Variants in INTS3 observed in about 807,000 individuals in gnomAD.
INTS3 encodes the protein integrator complex subunit 3.
A neutral mutation model predicts 146.3 loss-of-function variants in INTS3; 34 were observed. The ratio of observed to expected loss-of-function variants is 0.23; its 90% CI spans 0.18 to 0.31. INTS3 has a LOEUF of 0.31. Ranked by LOEUF, INTS3 falls within the 10% of genes least tolerant of loss-of-function variation. The probability of loss-of-function intolerance (pLI) is 1.00; values close to 1 mark genes in which losing one functional copy is unlikely to be tolerated. For missense variants in INTS3, 757 were observed against 1,304.2 expected, an observed-to-expected ratio of 0.58 and a Z score of 6.46; for synonymous variants, 475 against 494.9, an observed-to-expected ratio of 0.96 and a Z score of 0.53.
intron 1 of INTS3, 142 bp downstream of exon 1, chr1:153,728,926 C>T (rs1294239728): frequency 3.4e-6 from 2 of 587,852 alleles, no homozygotes; most frequent in Non-Finnish European, 5.9e-6. Context: ...ACTGCTCCAG[C>T]TTCCTGCTCC....
chr1:153,755,615 C>G (rs868203751), intron 9 of INTS3, among the ~76,000 whole-genome samples: 2 of 152,124 alleles, frequency 1.3e-5, no homozygotes, highest in African/African-American at 2.4e-5. Flanking sequence ...GTCTGGCTGT[C>G]GAGAACTGCT....
intron 1 of INTS3, among the ~76,000 whole-genome samples, chr1:153,731,678 C>T (rs1210372870): frequency 6.0e-5 from 9 of 149,296 alleles, no homozygotes; most frequent in Admixed American, 2.0e-4. Context: ...CTCTGCCTCC[C>T]GGGTTCACAC....
At chr1:153,759,265 C>A (rs1386680644) in intron 10 of INTS3, among the ~76,000 whole-genome samples, 1 of 140,438 alleles carries the variant, frequency 7.1e-6, no homozygotes, top group African/African-American at 2.7e-5. Context: ...CAGAGCAAGA[C>A]CCTGTCTGGA....
chr1:153,767,631 CA>C, intron 20 of INTS3, 42 bp from the exon 21 acceptor site: 4 of 1,520,754 alleles, frequency 2.6e-6, no homozygotes, highest in Non-Finnish European at 3.5e-6. Context: ...TGAAGGTGGG[CA>C]CTGGGGTCAG....
At chr1:153,765,111 G>A in intron 20 of INTS3, 48 bp downstream of exon 20, 1 of 1,607,878 alleles carries the variant, frequency 6.2e-7, no homozygotes, top group Non-Finnish European at 8.5e-7. Flanking sequence ...ACATCCTGGA[G>A]AGCCTCTCTT....
intron 1 of INTS3, among the ~76,000 whole-genome samples, chr1:153,729,789 C>G (rs2101767099): frequency 6.6e-6 from 1 of 151,660 alleles, no homozygotes; most frequent in East Asian, 1.9e-4. Context: ...TCGCTTGAAC[C>G]CGTGGGCAGA....
chr1:153,763,780 C>T (rs1570876457), intron 16 of INTS3, 52 bp from the exon 17 acceptor site: 2 of 1,480,316 alleles, frequency 1.4e-6, no homozygotes, highest in Non-Finnish European at 1.9e-6. Context: ...GTGTGTCCTG[C>T]CCTCTGCTAT....
chr1:153,750,632 C>T (rs1671923852), intron 6 of INTS3, among the ~76,000 whole-genome samples: 1 of 152,192 alleles, frequency 6.6e-6, no homozygotes, highest in Non-Finnish European at 1.5e-5. Context: ...GCAGTCCCCA[C>T]ATGTTCTTGC....
rs754458687 is a variant in INTS3 at position 153,773,059 on chromosome 1, A to G, written c.3029A>G (p.Glu1010Gly). The G allele has an allele frequency of 1.2e-6, 2 of 1,614,170 alleles. No individual in the cohort carries two copies. Among genetic ancestry groups the G allele is most frequent in the Non-Finnish European group, 1.7e-6 (2 of 1,180,030 alleles). Residue 1010 changes from glutamate to glycine, a missense_variant, in exon 29 of 30, where the codon GAG (glutamate) becomes GGG (glycine). Coordinates refer to ENST00000318967, the MANE Select transcript of INTS3 (RefSeq NM_023015.5). The stretch of plus-strand genomic sequence containing the variant: ...ACACAGCCCCCCAATGCCGAAGAAG[A>G]GTCGGGCTCCAGCAGTGCTTCAGTG... ...NATQPPNAEE[E>G]SGSSSASEEE...
At chr1:153,770,347 T>A in intron 24 of INTS3, 36 bp downstream of exon 24, 1 of 1,251,324 alleles carries the variant, frequency 8.0e-7, no homozygotes, top group Non-Finnish European at 1.2e-6. Flanking sequence ...ACATCAGATA[T>A]GACACTTCCT....
chr1:153,741,499 T>C lies in INTS3; in HGVS notation c.318+131T>C, dbSNP rs1031634459. 4 of 657,928 alleles carry C rather than the reference T, an allele frequency of 6.1e-6. No homozygotes were observed. The African/African-American group carries it at 7.3e-5, about 12-fold the overall frequency. The allele number at this position is 657,928 out of a possible 1,614,324, so 40.8% of individuals were successfully genotyped here. On this transcript the variant is annotated intron_variant, in intron 3 of 29. Coordinates refer to ENST00000318967, the MANE Select transcript of INTS3 (RefSeq NM_023015.5). Reference sequence around the variant, plus strand: ...GGATCACCTTGTTCTCCAAATATAGTTACAAGTCCCTTTTTACTCAGTGAA... The same window carrying C: ...GGATCACCTTGTTCTCCAAATATAGCTACAAGTCCCTTTTTACTCAGTGAA...
Position 153,728,661 on chromosome 1 carries a change from G to GGCA in INTS3, c.39_41dup (p.Ala15dup). On this transcript the variant is annotated inframe_insertion, in exon 1 of 30. Coordinates refer to ENST00000318967, the MANE Select transcript of INTS3 (RefSeq NM_023015.5). ...TGGAGTTGCAGAAGGGAAAAGGGGC[G>GGCA]GCAGCAGCAGCAGCTGCTTCGGGAG... The GGCA allele has an allele frequency of 1.9e-6, 3 of 1,605,714 alleles. No homozygotes were observed. Among genetic ancestry groups the GGCA allele is most frequent in the Non-Finnish European group, 1.7e-6 (2 of 1,177,298 alleles).
chr1:153,754,865 A>G (rs1672103771), intron 9 of INTS3, 126 bp downstream of exon 9: 1 of 697,544 alleles, frequency 1.4e-6, no homozygotes, highest in South Asian at 1.6e-5. Context: ...TACCTGATCT[A>G]CCTGGCTACT....
chr1:153,769,889 AG>A, intron 23 of INTS3, 45 bp downstream of exon 23: 2 of 1,316,332 alleles, frequency 1.5e-6, no homozygotes, highest in Non-Finnish European at 2.2e-6. Context: ...AGAGGAGGGC[AG>A]GGTGTCAGTC....
rs550246130 is a variant in INTS3, at chr1:153,772,067, G to C, written c.2720+104G>C. 2.2e-5 allele frequency: 28 copies of C among 1,264,580 alleles called. No individual in the cohort carries two copies. The East Asian group carries it at 6.3e-4, about 29-fold the overall frequency. 78.3% of individuals were successfully genotyped at this position (1,264,580 alleles called of 1,614,324 possible). ...GGTGGTGGTGATGGGGGTCAGTGCT[G>C]TCCCAGCCTGGTTTGTGGGCGACAT... On this transcript the variant is annotated intron_variant, in intron 26 of 29. Coordinates refer to ENST00000318967, the MANE Select transcript of INTS3 (RefSeq NM_023015.5). This position sits in a 1 kb window ranked among gnomAD's most constrained non-coding sequence, Gnocchi z 4.6.
chr1:153,767,565 A>AG, intron 20 of INTS3, 109 bp from the exon 21 acceptor site: 1 of 1,173,388 alleles, frequency 8.5e-7, no homozygotes, highest in South Asian at 1.6e-5. Flanking sequence ...AGATTAGCAC[A>AG]GGGCATCTGG....
intron 1 of INTS3, among the ~76,000 whole-genome samples, chr1:153,731,578 TC>T (rs67091466): frequency 1.5e-4 from 9 of 60,814 alleles, no homozygotes; most frequent in Non-Finnish European, 1.7e-4. Flanking sequence ...AAGAGCGTCC[TC>T]TTTTTTTTTT....
chr1:153,768,279 TA>T (rs1424973580), intron 21 of INTS3, among the ~76,000 whole-genome samples: 21 of 152,282 alleles, frequency 1.4e-4, no homozygotes, highest in Non-Finnish European at 1.5e-5. Flanking sequence ...AACTGGGACA[TA>T]ACAGGTATCG....
chr1:153,752,210 C>G (rs1428720297), intron 7 of INTS3, 69 bp from the exon 8 acceptor site: 9 of 1,467,828 alleles, frequency 6.1e-6, no homozygotes, highest in Non-Finnish European at 6.7e-6. Context: ...CCTTTGTCCT[C>G]CCTCCAGCAG....
Sources: allele counts gnomAD v4.1 joint callset (sites outside exome capture counted in the v4.1 genomes callset), GRCh38; gene constraint gnomAD v4.1.1; non-coding constraint Gnocchi (gnomAD v3.1); transcripts MANE v1.5; gene names NCBI Gene and HGNC (gene_info 2026-07-23, HGNC 2026-07-21).